SETD5: variants seen among roughly 807,000 people sequenced by gnomAD.
SETD5 encodes the protein histone-lysine N-methyltransferase SETD5.
A neutral mutation model predicts 153.3 loss-of-function variants in SETD5; 44 were observed. The observed-to-expected ratio is 0.29, with a 90% CI of 0.23 to 0.37. The LOEUF is 0.37. Ranked by LOEUF, SETD5 falls within the 10% of genes least tolerant of loss-of-function variation. The probability of loss-of-function intolerance (pLI) is 1.00; values close to 1 mark genes in which losing one functional copy is unlikely to be tolerated. For synonymous variants in SETD5, 716 were observed against 645.2 expected, an observed-to-expected ratio of 1.11 and a Z score of -1.66; for missense variants, 1,544 against 1,768.0, an observed-to-expected ratio of 0.87 and a Z score of 2.27.
chr3:9,429,847 A>G (rs986275435), intron 3 of SETD5: 5 of 1,303,320 alleles, frequency 3.8e-6, no homozygotes, highest in African/African-American at 1.5e-5. Context: ...GAAGCCCCCT[A>G]CCTTTCAAGA....
At position 9,434,037 on chromosome 3, in the gene SETD5, A is replaced by T. The variant is rs1018692717; in HGVS notation, c.177+87A>T. The T allele has an allele frequency of 6.2e-7, 1 of 1,611,452 alleles. No individual in the cohort carries two copies. The highest frequency in any genetic ancestry group is 8.5e-7 in the Non-Finnish European group (1 of 1,179,426). On this transcript the variant is annotated intron_variant, in intron 4 of 22. Transcript: ENST00000402198. This position sits in a 1 kb window ranked among gnomAD's most constrained non-coding sequence, Gnocchi z 5.6. ...ACATTGTGACTTTCTTGAAATGTTT[A>T]TATGCAGCATGACGAAGTTGCCCCT... is the stretch of plus-strand genomic sequence containing the variant.
chr3:9,459,714 CAAAAAAAA>C (rs386395917), intron 17 of SETD5, among the ~76,000 whole-genome samples: 24 of 78,298 alleles, frequency 3.1e-4, no homozygotes, highest in African/African-American at 8.8e-4. Context: ...GAGACTCCAT[CAAAAAAAA>C]AAAAAAAAAA....
rs187320091 is a variant in SETD5 at position 9,469,916 on chromosome 3, G to A, written c.2725-543G>A. On this transcript the variant is annotated intron_variant, in intron 18 of 22. Transcript: ENST00000402198. Reference sequence around the variant, plus strand: ...GTGAGTGAAGAACTGGTTGGTTGATGTCTTTAATGCCATCCTCCTTTACTG... The same window carrying A: ...GTGAGTGAAGAACTGGTTGGTTGATATCTTTAATGCCATCCTCCTTTACTG... Among the ~76,000 whole-genome samples the A allele has an allele frequency of 3.0e-3, 459 of 152,284 alleles. 1 individual carries two copies. The highest frequency in any genetic ancestry group is 0.01 in the African/African-American group (433 of 41,556).
chr3:9,418,307 G>C (rs1349140808), intron 1 of SETD5, among the ~76,000 whole-genome samples: 1 of 152,196 alleles, frequency 6.6e-6, no homozygotes, highest in Non-Finnish European at 1.5e-5. Context: ...ATGCCAGCTA[G>C]ATTACAGATG....
rs2045823546 is a variant in SETD5, at chr3:9,476,019, T to TG, written c.4262dup (p.Val1422CysfsTer32). ...CACAGCACTACCCACACCGTGGGAG[T>TG]GGGGGTGTGCACCAGTACCGACTCC... On this transcript the variant is annotated frameshift_variant, in exon 23 of 23. Coordinates refer to ENST00000402198, the MANE Select transcript of SETD5 (RefSeq NM_001080517.3). LOFTEE classifies it high-confidence loss of function. 1 of 1,613,358 alleles carries TG rather than the reference T, an allele frequency of 6.2e-7. No homozygotes were observed.
chr3:9,424,501 C>G lies in SETD5; in HGVS notation c.-142C>G, dbSNP rs2038863046. 6.6e-6 allele frequency: 1 copy of G among 152,144 alleles called. No homozygotes were observed. Among genetic ancestry groups the G allele is most frequent in the Non-Finnish European group, 1.5e-5 (1 of 68,020 alleles). The allele number at this position is 152,144 out of a possible 1,614,324, so 9.4% of individuals were successfully genotyped here. A position where few individuals can be genotyped will look rare whatever the true frequency, so the allele number is the denominator to read the frequency against. On this transcript the variant is annotated 5_prime_UTR_variant, in exon 2 of 23. Transcript: ENST00000402198. Reference sequence around the variant, plus strand: ...ACTACTAGCAGATAATTTGGGGGGACTTCATATTCAGAAGTCTATATAAAG... The same window carrying G: ...ACTACTAGCAGATAATTTGGGGGGAGTTCATATTCAGAAGTCTATATAAAG...
chr3:9,403,071 G>A (rs2035070196), intron 1 of SETD5, among the ~76,000 whole-genome samples: 1 of 152,160 alleles, frequency 6.6e-6, no homozygotes, highest in Admixed American at 6.5e-5. Flanking sequence ...TGGGGGAGGG[G>A]CAGGAGGTAG....
intron 7 of SETD5, 110 bp downstream of exon 7, chr3:9,436,016 C>T (rs1463961389): frequency 1.9e-6 from 2 of 1,030,276 alleles, no homozygotes; most frequent in African/African-American, 3.3e-5. Flanking sequence ...GTTTGAAGGG[C>T]CACTTTTGTT....
At chr3:9,431,431 TTATTCCAAA>T in intron 3 of SETD5, 1 of 965,234 alleles carries the variant, frequency 1.0e-6, no homozygotes, top group Non-Finnish European at 1.2e-6. Context: ...TGTAATTCCA[TTATTCCAAA>T]CTTTTAATTC....
intron 1 of SETD5, among the ~76,000 whole-genome samples, chr3:9,401,319 C>G (rs528375041): frequency 4.6e-5 from 7 of 152,334 alleles, no homozygotes; most frequent in African/African-American, 1.7e-4. Flanking sequence ...GTTTTTTACT[C>G]TGTGGCTTAA....
chr3:9,476,213 G>A lies in SETD5; in HGVS notation c.*122G>A. On this transcript the variant is annotated 3_prime_UTR_variant, in exon 23 of 23. Transcript: ENST00000402198. ...GGGGTACAAGGTGCCAGAGGATTGG[G>A]TCTGGTGGACAAGAAACAAGACTTG... The A allele has an allele frequency of 7.5e-7, 1 of 1,334,072 alleles. No individual in the cohort carries two copies. Among genetic ancestry groups the A allele is most frequent in the African/African-American group, 1.5e-5 (1 of 67,696 alleles). The allele number at this position is 1,334,072 out of a possible 1,614,324, so 82.6% of individuals were successfully genotyped here. A position where few individuals can be genotyped will look rare whatever the true frequency, so the allele number is the denominator to read the frequency against.
At chr3:9,409,629 C>G (rs1334034311) in intron 1 of SETD5, among the ~76,000 whole-genome samples, 1 of 152,124 alleles carries the variant, frequency 6.6e-6, no homozygotes, top group Non-Finnish European at 1.5e-5. Context: ...TCTGCAGAAA[C>G]CTCTTCATTC....
At chr3:9,436,947 C>T in intron 7 of SETD5, 1 of 1,468,552 alleles carries the variant, frequency 6.8e-7, no homozygotes, top group Non-Finnish European at 9.3e-7. Flanking sequence ...GCATTTTGGT[C>T]AGCTTCTTTC....
At chr3:9,409,025 CCTT>C (rs1302474753) in intron 1 of SETD5, among the ~76,000 whole-genome samples, 9 of 152,196 alleles carry the variant, frequency 5.9e-5, no homozygotes, top group East Asian at 3.9e-4. Flanking sequence ...TCTCATAACT[CCTT>C]CTGCATTTAA....
Position 9,447,764 on chromosome 3 carries a change from C to T in SETD5, c.1861C>T (p.Arg621Trp), listed in dbSNP as rs1205310411. 1.2e-6 allele frequency: 2 copies of T among 1,613,882 alleles called. No homozygotes were observed. The highest frequency in any genetic ancestry group is 8.5e-7 in the Non-Finnish European group (1 of 1,179,906). ...SRPRPKSRIS[R>W]YRTSSAQRLK... ...GCCCCGGCCGAAGAGTCGAATTTCT[C>T]GGTACAGGACCAGTTCAGCCCAAAG... Residue 621 changes from arginine (R) to tryptophan (W), a missense_variant, in exon 15 of 23, where the codon CGG becomes TGG. Transcript: ENST00000402198.
chr3:9,429,292 G>A lies in SETD5; in HGVS notation c.71+283G>A, dbSNP rs1559388938. On this transcript the variant is annotated intron_variant, in intron 3 of 22. Coordinates refer to ENST00000402198, the MANE Select transcript of SETD5 (RefSeq NM_001080517.3). ...TTTGTTTTAATGGGTGGAGAAAATTGGAATAAAGTAGGTGTTACTACCTGC... is the reference window on the plus strand; with the variant it reads ...TTTGTTTTAATGGGTGGAGAAAATTAGAATAAAGTAGGTGTTACTACCTGC... 2.6e-5 allele frequency: 6 copies of A among 230,354 alleles called. No individual in the cohort carries two copies. In the South Asian group the frequency reaches 3.7e-4, roughly 14 times the overall value. The allele number at this position is 230,354 out of a possible 1,614,324, so 14.3% of individuals were successfully genotyped here.
chr3:9,454,357 A>G (rs997768773), intron 17 of SETD5, among the ~76,000 whole-genome samples: 16 of 152,046 alleles, frequency 1.1e-4, no homozygotes, highest in Non-Finnish European at 2.4e-4. Context: ...TGTGGCTCGC[A>G]CCTGTAATCC....
At position 9,475,225 on chromosome 3, in the gene SETD5, C is replaced by G. The variant is rs575875221; in HGVS notation, c.3720+69C>G. The G allele has an allele frequency of 2.4e-5, 34 of 1,427,968 alleles. No individual in the cohort carries two copies. The African/African-American group carries it at 4.1e-4, about 17-fold the overall frequency. 88.5% of individuals were successfully genotyped at this position (1,427,968 alleles called of 1,614,324 possible). On this transcript the variant is annotated intron_variant, in intron 22 of 22. Coordinates refer to ENST00000402198, the MANE Select transcript of SETD5 (RefSeq NM_001080517.3). ...TGGGTCCCAAATTGTCCTGGTCATC[C>G]TTTGCCATTGAGATGCTGTCTTTGC...
chr3:9,412,287 A>G (rs762675171), intron 1 of SETD5, among the ~76,000 whole-genome samples: 1 of 149,194 alleles, frequency 6.7e-6, no homozygotes, highest in Non-Finnish European at 1.5e-5. Flanking sequence ...TATTTTAGAT[A>G]TGGGCATTCT....
Sources: allele counts gnomAD v4.1 joint callset (sites outside exome capture counted in the v4.1 genomes callset), GRCh38; gene constraint gnomAD v4.1.1; non-coding constraint Gnocchi (gnomAD v3.1); transcripts MANE v1.5; gene names NCBI Gene and HGNC (gene_info 2026-07-23, HGNC 2026-07-21).